The following VWA8 variants were observed in gnomAD, a reference collection of about 807,000 sequenced individuals.
VWA8 encodes the protein von Willebrand factor A domain containing 8.
A neutral mutation model predicts 241.5 loss-of-function variants in VWA8; 221 were observed. The observed-to-expected ratio is 0.91, with a 90% confidence interval of 0.82 to 1.02. The LOEUF (loss-of-function observed/expected upper bound fraction) is 1.02, where lower values mean the gene tolerates loss of function less well. Among genes scored for constraint, VWA8 ranks in the 50% least tolerant of loss-of-function variants. The pLI, the probability that VWA8 is intolerant of heterozygous loss-of-function variation, is 0.00. For missense variants in VWA8, 2,322 were observed against 2,328.7 expected (o/e 1.00, Z 0.06); for synonymous variants, 852 against 827.1 (o/e 1.03, Z -0.52).
intron 20 of VWA8, among the ~76,000 whole-genome samples, chr13:41,764,582 T>G (rs770034769): frequency 3.9e-5 from 6 of 152,126 alleles, no homozygotes; most frequent in Non-Finnish European, 5.9e-5. Context: ...TGCACAGTTA[T>G]GTTTAGATCG....
At chr13:41,749,624 G>C (rs1171014839) in intron 21 of VWA8, among the ~76,000 whole-genome samples, 1 of 152,090 alleles carries the variant, frequency 6.6e-6, no homozygotes, top group Non-Finnish European at 1.5e-5. Flanking sequence ...AACAATGATA[G>C]ACTAGATTAA....
intron 37 of VWA8, among the ~76,000 whole-genome samples, chr13:41,627,291 C>A (rs1438170547): frequency 6.6e-6 from 1 of 152,150 alleles, no homozygotes; most frequent in Non-Finnish European, 1.5e-5. Flanking sequence ...CAGGCCCGCT[C>A]CCAGACTGTA....
At chr13:41,801,110 A>G (rs1176379192) in intron 17 of VWA8, among the ~76,000 whole-genome samples, 2 of 151,668 alleles carry the variant, frequency 1.3e-5, no homozygotes, top group African/African-American at 4.8e-5. Flanking sequence ...AATTTCTTAG[A>G]TCAACTCTTA....
chr13:41,616,872 G>C (rs2044623435), intron 37 of VWA8, among the ~76,000 whole-genome samples: 1 of 152,156 alleles, frequency 6.6e-6, no homozygotes, highest in Non-Finnish European at 1.5e-5. Flanking sequence ...ATCCTGTTTA[G>C]AGATCTTTGC....
chr13:41,834,862 A>C (rs924426667), intron 12 of VWA8, among the ~76,000 whole-genome samples: 1 of 152,242 alleles, frequency 6.6e-6, no homozygotes, highest in Non-Finnish European at 1.5e-5. Context: ...CTGGATAAAG[A>C]AAATGTGGTA....
At chr13:41,735,446 G>A (rs775705501) in intron 21 of VWA8, among the ~76,000 whole-genome samples, 12 of 152,082 alleles carry the variant, frequency 7.9e-5, no homozygotes, top group Non-Finnish European at 1.3e-4. Context: ...AAAAATCACA[G>A]GTTTGAGAAA....
At chr13:41,876,015 C>CTCTG (rs1223736359) in intron 9 of VWA8, among the ~76,000 whole-genome samples, 1 of 152,072 alleles carries the variant, frequency 6.6e-6, no homozygotes, top group African/African-American at 2.4e-5. Context: ...TCATCCTTAA[C>CTCTG]TCTGTATCAA....
chr13:41,597,698 C>T (rs1254991073), intron 40 of VWA8, among the ~76,000 whole-genome samples: 3 of 151,970 alleles, frequency 2.0e-5, no homozygotes, highest in African/African-American at 7.3e-5. Flanking sequence ...GGGAACATCT[C>T]GGTGTGCAAA....
At chr13:41,802,096 C>T (rs1010152459) in intron 17 of VWA8, among the ~76,000 whole-genome samples, 4 of 152,202 alleles carry the variant, frequency 2.6e-5, no homozygotes, top group Admixed American at 6.5e-5. Flanking sequence ...GTTTCAACAT[C>T]ATATGAAGGA....
intron 40 of VWA8, among the ~76,000 whole-genome samples, chr13:41,604,461 G>A (rs1206158044): frequency 1.3e-5 from 2 of 151,964 alleles, no homozygotes; most frequent in Non-Finnish European, 2.9e-5. Flanking sequence ...GAAAAAATAA[G>A]GCTTTTCCAG....
intron 2 of VWA8, among the ~76,000 whole-genome samples, chr13:41,920,021 C>A (rs1340383105): frequency 6.6e-6 from 1 of 152,178 alleles, no homozygotes; most frequent in Non-Finnish European, 1.5e-5. Context: ...AGCCCCACCT[C>A]CCGAGGCAGT....
intron 12 of VWA8, chr13:41,864,613 G>T: frequency 2.3e-6 from 1 of 442,028 alleles, no homozygotes; most frequent in African/African-American, 2.0e-5. Context: ...ATTTATATGA[G>T]GTACCTAGAA....
intron 21 of VWA8, among the ~76,000 whole-genome samples, chr13:41,749,068 G>C (rs904408671): frequency 6.6e-6 from 1 of 152,102 alleles, no homozygotes; most frequent in Non-Finnish European, 1.5e-5. Context: ...AGAGTGAACA[G>C]GCAACCTACA....
chr13:41,784,707 T>C (rs1307636132), intron 18 of VWA8, among the ~76,000 whole-genome samples: 1,354 of 66,176 alleles, frequency 0.02, 51 homozygotes, highest in East Asian at 0.042. Context: ...CATATATATA[T>C]ATATATATAT....
In VWA8 at chr13:41,938,947, AT is replaced by A. The variant is rs560741345; in HGVS notation, c.241+10988del. Among the ~76,000 whole-genome samples the A allele has an allele frequency of 3.9e-5, 6 of 152,340 alleles. No homozygotes were observed. The East Asian group carries it at 1.2e-3, about 29-fold the overall frequency. On this transcript the variant is annotated intron_variant, in intron 2 of 44. Coordinates refer to ENST00000379310, the MANE Select transcript of VWA8 (RefSeq NM_015058.2). The stretch of plus-strand genomic sequence containing the variant: ...TTCCATGCTATCATTTATGACACTG[AT>A]GAATTTCTCAAACCTCAAAATTATT...
In VWA8 at chr13:41,569,662, T is replaced by A. The variant is rs1367646296; in HGVS notation, c.5609+806A>T. ...AGGCAGGGATTTTTTTTTTTTTTTTTAAGATTACTTTCACTGGTGTTTTAT... is the reference window on the plus strand; with the variant it reads ...AGGCAGGGATTTTTTTTTTTTTTTTAAAGATTACTTTCACTGGTGTTTTAT... On this transcript the variant is annotated intron_variant, in intron 44 of 44. Coordinates refer to ENST00000379310, the MANE Select transcript of VWA8 (RefSeq NM_015058.2). Among the ~76,000 whole-genome samples, 17 of 151,642 alleles carry A rather than the reference T, an allele frequency of 1.1e-4. No individual in the cohort carries two copies. The South Asian group carries it at 1.7e-3, about 15-fold the overall frequency.
intron 2 of VWA8, among the ~76,000 whole-genome samples, chr13:41,937,986 C>T (rs1329835051): frequency 1.3e-5 from 2 of 151,738 alleles, no homozygotes; most frequent in Admixed American, 6.6e-5. Flanking sequence ...CACGGTGAAA[C>T]CCTGACTATA....
chr13:41,573,484 A>AAT (rs1555303578), intron 43 of VWA8, among the ~76,000 whole-genome samples: 1 of 117,028 alleles, frequency 8.5e-6, no homozygotes, highest in Non-Finnish European at 1.7e-5. Flanking sequence ...TAAAAAAAAA[A>AAT]AAATATATAT....
chr13:41,589,814 T>C (rs1170109991), intron 41 of VWA8, among the ~76,000 whole-genome samples: 1 of 152,180 alleles, frequency 6.6e-6, no homozygotes, highest in African/African-American at 2.4e-5. Context: ...CACTGTGTGC[T>C]CTTCAAGTCC....
Sources: gnomAD v4.1 joint callset for allele counts (sites outside exome capture counted in the v4.1 genomes callset) on GRCh38, gnomAD v4.1.1 for gene constraint, MANE v1.5 for transcripts, NCBI Gene and HGNC (gene_info 2026-07-23, HGNC 2026-07-21) for gene names.